ANKRD28: variants seen among roughly 807,000 people sequenced by gnomAD.
The protein encoded by ANKRD28 is ankyrin repeat domain 28.
Under a neutral mutation model 126.5 loss-of-function variants are expected in ANKRD28, and 44 were observed. The ratio of observed to expected loss-of-function variants is 0.35; its 90% confidence interval spans 0.27 to 0.45. The LOEUF is 0.45. Among genes scored for constraint, ANKRD28 ranks in the 20% least tolerant of loss-of-function variants. ANKRD28 has a pLI of 1.00. For synonymous variants in ANKRD28, 442 were observed against 468.5 expected, an observed-to-expected ratio of 0.94 and a Z score of 0.73; for missense variants, 1,110 against 1,316.6, an observed-to-expected ratio of 0.84 and a Z score of 2.43.
intron 14 of ANKRD28, among the ~76,000 whole-genome samples, chr3:15,707,270 A>G (rs1175196674): frequency 6.6e-6 from 1 of 152,010 alleles, no homozygotes; most frequent in Non-Finnish European, 1.5e-5. Context: ...AAAAAAAAAT[A>G]TGTATCAAGG....
At chr3:15,772,261 T>A (rs1260784711) in intron 2 of ANKRD28, among the ~76,000 whole-genome samples, 1 of 152,166 alleles carries the variant, frequency 6.6e-6, no homozygotes, top group Admixed American at 6.5e-5. Flanking sequence ...CAAAAGCTGA[T>A]TCTTTGAAAA....
chr3:15,857,544 CAA>C (rs1371487087), intron 1 of ANKRD28, among the ~76,000 whole-genome samples: 1 of 152,220 alleles, frequency 6.6e-6, no homozygotes, highest in Non-Finnish European at 1.5e-5. Context: ...CTCGGCCTCT[CAA>C]AGTGTTGGGA....
At chr3:15,834,985 T>C (rs2125946945) in intron 1 of ANKRD28, among the ~76,000 whole-genome samples, 1 of 152,190 alleles carries the variant, frequency 6.6e-6, no homozygotes, top group South Asian at 2.1e-4. Flanking sequence ...CTCTCTCTAC[T>C]AAAAATACAA....
chr3:15,857,109 TG>T (rs1395193700), intron 1 of ANKRD28, among the ~76,000 whole-genome samples: 1 of 152,220 alleles, frequency 6.6e-6, no homozygotes, highest in East Asian at 1.9e-4. Flanking sequence ...TCAATTCCAA[TG>T]GCTAATAAAA....
At chr3:15,717,444 T>C (rs2073199881) in intron 8 of ANKRD28, among the ~76,000 whole-genome samples, 1 of 152,164 alleles carries the variant, frequency 6.6e-6, no homozygotes, top group African/African-American at 2.4e-5. Context: ...CAGTTATTTC[T>C]TTCTGAACTG....
intron 1 of ANKRD28, among the ~76,000 whole-genome samples, chr3:15,808,065 T>C (rs1274178933): frequency 1.3e-5 from 2 of 152,138 alleles, no homozygotes; most frequent in Non-Finnish European, 2.9e-5. Context: ...GTTGGACCAA[T>C]TAAACACTGG....
rs904245123 is a variant in ANKRD28, at chr3:15,696,386, T to C, written c.1548-141A>G. Reference sequence around the variant, plus strand: ...TCATAAATGTATTACACTATAAAAATGTCATTTAAATGACACTGACTAAAG... The same window carrying C: ...TCATAAATGTATTACACTATAAAAACGTCATTTAAATGACACTGACTAAAG... On this transcript the variant is annotated intron_variant, in intron 14 of 27. Coordinates refer to ENST00000683139, the MANE Select transcript of ANKRD28 (RefSeq NM_001349278.2). 5.5e-6 allele frequency: 3 copies of C among 547,180 alleles called. 1 individual carries two copies. The highest frequency in any genetic ancestry group is 8.7e-4 in the Middle Eastern group (2 of 2,302). 33.9% of individuals were successfully genotyped at this position (547,180 alleles called of 1,614,324 possible).
intron 1 of ANKRD28, among the ~76,000 whole-genome samples, chr3:15,855,359 A>C (rs1039196851): frequency 6.6e-6 from 1 of 152,042 alleles, no homozygotes; most frequent in Non-Finnish European, 1.5e-5. Flanking sequence ...AACAAAAAAA[A>C]ACCCAACACC....
chr3:15,744,335 TAG>T (rs2057327546), intron 4 of ANKRD28, among the ~76,000 whole-genome samples: 1 of 152,156 alleles, frequency 6.6e-6, no homozygotes, highest in Admixed American at 6.5e-5. Flanking sequence ...TTTTTTTAGA[TAG>T]AGTTTCACTT....
chr3:15,859,460 CCGCCGA>C (rs1032638467), exon 1 of ANKRD28: 3 of 1,471,970 alleles, frequency 2.0e-6, no homozygotes, highest in Admixed American at 4.2e-5. Flanking sequence ...GCCGCTGCCG[CCGCCGA>C]CCGGCCCACT....
rs528630925 is a variant in ANKRD28, at chr3:15,830,614, C to T, written c.27+28763G>A. Among the ~76,000 whole-genome samples, 8 of 151,952 alleles carry T rather than the reference C, an allele frequency of 5.3e-5. No individual in the cohort carries two copies. Among genetic ancestry groups the T allele is most frequent in the Admixed American group, 3.3e-4 (5 of 15,264 alleles). On this transcript the variant is annotated intron_variant, in intron 1 of 27. Transcript: ENST00000399451. This position sits in a 1 kb window ranked among gnomAD's most constrained non-coding sequence, Gnocchi z 4.5. Reference sequence around the variant, plus strand: ...CCATCCACGGAAAAATTGTCTTCCACGAAACTGGTCCCTGGTGCCAAAAAC... The same window carrying T: ...CCATCCACGGAAAAATTGTCTTCCATGAAACTGGTCCCTGGTGCCAAAAAC...
At chr3:15,670,693 T>G in intron 27 of ANKRD28, 137 bp from the exon 28 acceptor site, 1 of 918,254 alleles carries the variant, frequency 1.1e-6, no homozygotes, top group Non-Finnish European at 1.6e-6. Context: ...GTAACCAGCA[T>G]GATTCGCAAG....
At chr3:15,757,272 G>C (rs1352994132) in intron 3 of ANKRD28, among the ~76,000 whole-genome samples, 1 of 152,122 alleles carries the variant, frequency 6.6e-6, no homozygotes, top group Non-Finnish European at 1.5e-5. Context: ...GGGAGCCAAA[G>C]GTTATATTCA....
intron 2 of ANKRD28, among the ~76,000 whole-genome samples, chr3:15,787,552 T>C (rs985643014): frequency 5.3e-5 from 8 of 152,262 alleles, no homozygotes; most frequent in Admixed American, 5.2e-4. Context: ...ACACCTGAGA[T>C]AGGGATGGAG....
intron 11 of ANKRD28, 150 bp from the exon 12 acceptor site, chr3:15,711,424 A>G (rs892833900): frequency 3.3e-5 from 20 of 605,400 alleles, no homozygotes; most frequent in Non-Finnish European, 5.6e-5. Context: ...AAAAGGCAAT[A>G]GGATACAATG....
In ANKRD28 at chr3:15,771,888, A is replaced by G. The variant is rs568062144; in HGVS notation, c.202-5576T>C. On this transcript the variant is annotated intron_variant, in intron 2 of 27. Coordinates refer to ENST00000683139, the MANE Select transcript of ANKRD28 (RefSeq NM_001349278.2). ...ATTAAATTGGAAATAAATAACAGAA[A>G]GATAACCTGACAATTTGAAAATTGC... is the stretch of plus-strand genomic sequence containing the variant. Among the ~76,000 whole-genome samples the G allele has an allele frequency of 1.9e-3, 290 of 152,368 alleles. 1 individual carries two copies. The highest frequency in any genetic ancestry group is 6.9e-3 in the African/African-American group (286 of 41,588).
At chr3:15,701,672 T>C (rs2070654999) in intron 14 of ANKRD28, among the ~76,000 whole-genome samples, 1 of 151,046 alleles carries the variant, frequency 6.6e-6, no homozygotes, top group African/African-American at 2.5e-5. Context: ...ATAAATAAAA[T>C]AAAAAGGTTA....
In ANKRD28 at chr3:15,721,132, T is replaced by G; in HGVS notation, c.784-5A>C. ...ATAGGCATTTGGTTCATTCATCTAT[T>G]AGAAGGGAAAAAAATGCGAATGTTA... On this transcript the variant is annotated splice_region_variant and splice_polypyrimidine_tract_variant and intron_variant, in intron 7 of 27. Transcript: ENST00000683139. 3 of 1,599,080 alleles carry G rather than the reference T, an allele frequency of 1.9e-6. No homozygotes were observed. The South Asian group carries it at 3.4e-5, about 18-fold the overall frequency.
chr3:15,745,793 C>T (rs1280049598), intron 4 of ANKRD28, among the ~76,000 whole-genome samples: 1 of 151,990 alleles, frequency 6.6e-6, no homozygotes, highest in East Asian at 1.9e-4. Context: ...TTGTAGATTG[C>T]TTTTGGCAGC....
Sources: allele counts gnomAD v4.1 joint callset (sites outside exome capture counted in the v4.1 genomes callset), GRCh38; gene constraint gnomAD v4.1.1; non-coding constraint Gnocchi (gnomAD v3.1); transcripts MANE v1.5; gene names NCBI Gene and HGNC (gene_info 2026-07-23, HGNC 2026-07-21).